LHFPL3: variants seen among roughly 807,000 people sequenced by gnomAD.
LHFPL3 encodes the protein LHFPL tetraspan subfamily member 3.
LHFPL3 carries 5 observed loss-of-function variants against 19.3 expected under a neutral mutation model. That is an observed-to-expected ratio of 0.26 (90% CI 0.14 to 0.54). LHFPL3 has a LOEUF of 0.54. Among genes scored for constraint, LHFPL3 ranks in the 20% least tolerant of loss-of-function variants. The probability of loss-of-function intolerance (pLI) is 0.94; values close to 1 mark genes in which losing one functional copy is unlikely to be tolerated. For missense variants in LHFPL3, 249 were observed against 307.4 expected, an observed-to-expected ratio of 0.81 and a Z score of 1.42; for synonymous variants, 133 against 126.2, an observed-to-expected ratio of 1.05 and a Z score of -0.36.
At chr7:104,713,726 T>A (rs1793335496) in intron 1 of LHFPL3, among the ~76,000 whole-genome samples, 1 of 152,198 alleles carries the variant, frequency 6.6e-6, no homozygotes, top group African/African-American at 2.4e-5. Flanking sequence ...ATGCTTTATA[T>A]TATCAAAATT....
At chr7:104,603,166 T>TTCCTTCCTTCCTTC (rs1562947582) in intron 1 of LHFPL3, among the ~76,000 whole-genome samples, 1 of 16,426 alleles carries the variant, frequency 6.1e-5, no homozygotes, top group African/African-American at 7.5e-5. Flanking sequence ...TTCCTTCCTT[T>TTCCTTCCTTCCTTC]CTTTCTTTCT....
chr7:104,610,684 C>A (rs527252202), intron 1 of LHFPL3, among the ~76,000 whole-genome samples: 33 of 152,300 alleles, frequency 2.2e-4, no homozygotes, highest in African/African-American at 7.2e-4. Flanking sequence ...CTATTCAGAT[C>A]TTCAATAGAT....
In LHFPL3 at chr7:104,822,765, T is replaced by G. The variant is rs995826771; in HGVS notation, c.683-83422T>G. On this transcript the variant is annotated intron_variant, in intron 2 of 2. Transcript: ENST00000424859. ...CTATGGTTCAAAATAGCTATTATCT[T>G]CAGCAAGGGGCAAACACAGGGAGAA... is the stretch of plus-strand genomic sequence containing the variant. Among the ~76,000 whole-genome samples, 5 of 152,130 alleles carry G rather than the reference T, an allele frequency of 3.3e-5. No homozygotes were observed. The East Asian group carries it at 7.7e-4, about 23-fold the overall frequency.
intron 1 of LHFPL3, among the ~76,000 whole-genome samples, chr7:104,565,688 T>G (rs1229899273): frequency 1.3e-5 from 2 of 152,070 alleles, no homozygotes; most frequent in South Asian, 2.1e-4. Context: ...TTTTTTCAAT[T>G]TCTCAAGTTT....
At chr7:104,433,835 T>C (rs531562807) in intron 1 of LHFPL3, among the ~76,000 whole-genome samples, 1 of 152,318 alleles carries the variant, frequency 6.6e-6, no homozygotes, top group African/African-American at 2.4e-5. Flanking sequence ...TCTTCCCTTC[T>C]ACACTGTAAG....
chr7:104,836,881 C>G (rs1791107321), intron 2 of LHFPL3, among the ~76,000 whole-genome samples: 2 of 152,134 alleles, frequency 1.3e-5, no homozygotes, highest in African/African-American at 4.8e-5. Flanking sequence ...TCTCTGACGA[C>G]AAATGAAAAT....
intron 1 of LHFPL3, among the ~76,000 whole-genome samples, chr7:104,509,707 T>G (rs1477399827): frequency 6.6e-6 from 1 of 152,076 alleles, no homozygotes; most frequent in Non-Finnish European, 1.5e-5. Flanking sequence ...ACCACCCTTA[T>G]TCAACATAGT....
chr7:104,648,939 A>G (rs937079648), intron 1 of LHFPL3, among the ~76,000 whole-genome samples: 2 of 152,210 alleles, frequency 1.3e-5, no homozygotes, highest in African/African-American at 4.8e-5. Flanking sequence ...CCGCCATCCA[A>G]CACAAACCAT....
intron 1 of LHFPL3, among the ~76,000 whole-genome samples, chr7:104,527,398 T>A (rs532616645): frequency 6.6e-6 from 1 of 152,064 alleles, no homozygotes; most frequent in South Asian, 2.1e-4. Context: ...TTCATGAAAG[T>A]GTGTTCTTAC....
At chr7:104,418,049 C>A (rs1463797642) in intron 1 of LHFPL3, among the ~76,000 whole-genome samples, 1 of 151,640 alleles carries the variant, frequency 6.6e-6, no homozygotes, top group Non-Finnish European at 1.5e-5. Flanking sequence ...CTAATTTTTG[C>A]ATTTTTAGTA....
chr7:104,727,527 T>C (rs1793614249), intron 1 of LHFPL3, among the ~76,000 whole-genome samples: 1 of 152,190 alleles, frequency 6.6e-6, no homozygotes, highest in Admixed American at 6.5e-5. Context: ...GAGATAATAC[T>C]TGTAAATAAA....
chr7:104,427,536 A>C (rs993462022), intron 1 of LHFPL3, among the ~76,000 whole-genome samples: 1 of 152,204 alleles, frequency 6.6e-6, no homozygotes, highest in African/African-American at 2.4e-5. Context: ...ATTTTGTGTC[A>C]ACATGTAGTT....
rs866572754 is a variant in LHFPL3, at chr7:104,693,776, C to T, written c.446-42899C>T. On this transcript the variant is annotated intron_variant, in intron 1 of 2. Transcript: ENST00000424859. ...CTGGGACTACAGGCGCCCGCCACCACGCCCTGCTAATTGTGGGGTTTTTTT... is the reference window on the plus strand; with the variant it reads ...CTGGGACTACAGGCGCCCGCCACCATGCCCTGCTAATTGTGGGGTTTTTTT... 2.0e-4 allele frequency among the ~76,000 whole-genome samples: 30 copies of T among 147,826 alleles called. No individual in the cohort carries two copies. The Middle Eastern group carries it at 0.011, about 52-fold the overall frequency.
chr7:104,567,405 C>T (rs1249781381), intron 1 of LHFPL3, among the ~76,000 whole-genome samples: 2 of 152,076 alleles, frequency 1.3e-5, no homozygotes, highest in African/African-American at 4.8e-5. Flanking sequence ...TTTGGATATA[C>T]CCATGTGTTT....
At chr7:104,885,160 G>A (rs1792125210) in intron 2 of LHFPL3, among the ~76,000 whole-genome samples, 1 of 152,156 alleles carries the variant, frequency 6.6e-6, no homozygotes, top group South Asian at 2.1e-4. Context: ...TTGCTATTTA[G>A]GTAATTTTTC....
chr7:104,335,884 C>T (rs1789799216), intron 1 of LHFPL3, among the ~76,000 whole-genome samples: 1 of 148,552 alleles, frequency 6.7e-6, no homozygotes, highest in Non-Finnish European at 1.5e-5. Context: ...AACAGAAGAG[C>T]ATATAGCTAG....
At chr7:104,722,744 G>C (rs1049481994) in intron 1 of LHFPL3, among the ~76,000 whole-genome samples, 1 of 152,274 alleles carries the variant, frequency 6.6e-6, no homozygotes, top group Non-Finnish European at 1.5e-5. Flanking sequence ...GGCAGTGTCT[G>C]CTGGCATCAA....
intron 1 of LHFPL3, among the ~76,000 whole-genome samples, chr7:104,360,108 G>C (rs1194478605): frequency 6.6e-6 from 1 of 152,186 alleles, no homozygotes; most frequent in African/African-American, 2.4e-5. Context: ...GTTATTCCCA[G>C]AGCTAGTCAC....
chr7:104,499,741 C>G (rs1170923007), intron 1 of LHFPL3, among the ~76,000 whole-genome samples: 1 of 152,136 alleles, frequency 6.6e-6, no homozygotes, highest in African/African-American at 2.4e-5. Flanking sequence ...AACTAATGAT[C>G]TCATCCATAT....
Sources: gnomAD v4.1 joint callset for allele counts (sites outside exome capture counted in the v4.1 genomes callset) on GRCh38, gnomAD v4.1.1 for gene constraint, MANE v1.5 for transcripts, NCBI Gene and HGNC (gene_info 2026-07-23, HGNC 2026-07-21) for gene names.